The following LRP1B variants were observed in gnomAD, a reference collection of about 807,000 sequenced individuals.
LRP1B encodes the protein low-density lipoprotein receptor-related protein 1B.
LRP1B carries 217 observed loss-of-function variants against 556.6 expected under a neutral mutation model. The ratio of observed to expected loss-of-function variants is 0.39; its 90% CI spans 0.35 to 0.44. The LOEUF (loss-of-function observed/expected upper bound fraction) is 0.44. LRP1B is among the 20% of genes least tolerant of loss of function. The probability of loss-of-function intolerance (pLI) is 1.00; values close to 1 mark genes in which losing one functional copy is unlikely to be tolerated. For synonymous variants in LRP1B, 2,047 were observed against 1,865.8 expected (o/e 1.10, Z -2.50); for missense variants, 5,053 against 5,620.8 (o/e 0.90, Z 3.23).
At chr2:141,643,549 G>A (rs1248702714) in intron 2 of LRP1B, among the ~76,000 whole-genome samples, 2 of 152,114 alleles carry the variant, frequency 1.3e-5, no homozygotes, top group African/African-American at 2.4e-5. Context: ...TTTCATGTAG[G>A]ACTCCAGCTA....
intron 6 of LRP1B, among the ~76,000 whole-genome samples, chr2:141,206,002 T>A (rs1174581853): frequency 6.6e-6 from 1 of 152,152 alleles, no homozygotes; most frequent in Non-Finnish European, 1.5e-5. Context: ...AGACTGGGCC[T>A]AATGAGGCAC....
At chr2:141,343,021 G>A (rs865896361) in intron 3 of LRP1B, among the ~76,000 whole-genome samples, 1 of 152,118 alleles carries the variant, frequency 6.6e-6, no homozygotes, top group Middle Eastern at 3.2e-3. Flanking sequence ...CTAACAGAGG[G>A]TCTCTCTGCA....
chr2:140,796,758 T>C (rs980255959), intron 32 of LRP1B, among the ~76,000 whole-genome samples: 3 of 152,066 alleles, frequency 2.0e-5, no homozygotes, highest in African/African-American at 7.2e-5. Context: ...ACCTAAGATA[T>C]TTAGCATAAT....
chr2:140,605,337 T>C (rs1167624186), intron 41 of LRP1B, among the ~76,000 whole-genome samples: 1 of 152,104 alleles, frequency 6.6e-6, no homozygotes, highest in Non-Finnish European at 1.5e-5. Flanking sequence ...TCCACATCTA[T>C]ATTAACTGTG....
intron 4 of LRP1B, among the ~76,000 whole-genome samples, chr2:141,249,519 C>G (rs1177779330): frequency 6.6e-6 from 1 of 152,066 alleles, no homozygotes; most frequent in Non-Finnish European, 1.5e-5. Context: ...ATTGCTTGAA[C>G]CTAGGAGGTG....
chr2:141,237,634 G>A (rs978798656), intron 5 of LRP1B, among the ~76,000 whole-genome samples: 6 of 152,134 alleles, frequency 3.9e-5, no homozygotes, highest in Middle Eastern at 3.4e-3. Context: ...GTGAAATACC[G>A]GTACCTTCAT....
chr2:141,075,169 G>A (rs905866918), intron 7 of LRP1B, among the ~76,000 whole-genome samples: 3 of 152,084 alleles, frequency 2.0e-5, no homozygotes, highest in Admixed American at 1.3e-4. Context: ...AAAGTGTTGG[G>A]TGACGGATAG....
chr2:140,513,930 C>G (rs972049778), intron 51 of LRP1B, among the ~76,000 whole-genome samples: 1 of 151,956 alleles, frequency 6.6e-6, no homozygotes, highest in Non-Finnish European at 1.5e-5. Context: ...CAATAGACAT[C>G]TATAAAAATA....
chr2:141,998,816 G>A (rs1250177139), intron 1 of LRP1B, among the ~76,000 whole-genome samples: 2 of 152,158 alleles, frequency 1.3e-5, no homozygotes, highest in African/African-American at 4.8e-5. Context: ...AGAAATGTCT[G>A]GGTTAAGATA....
chr2:141,657,664 G>T (rs750559329), intron 2 of LRP1B, among the ~76,000 whole-genome samples: 6 of 152,074 alleles, frequency 3.9e-5, no homozygotes, highest in Non-Finnish European at 7.4e-5. Context: ...GTCCAACTTG[G>T]ATATCCTTGC....
chr2:140,295,539 T>C (rs1292581332), intron 84 of LRP1B, among the ~76,000 whole-genome samples: 4 of 152,170 alleles, frequency 2.6e-5, no homozygotes, highest in Non-Finnish European at 5.9e-5. Flanking sequence ...GGCTACTTTG[T>C]GTGAAAATTC....
At position 140,299,297 on chromosome 2, in the gene LRP1B, G is replaced by T. The variant is rs374548145; in HGVS notation, c.12806-1328C>A. Among the ~76,000 whole-genome samples, 10 of 152,090 alleles carry T rather than the reference G, an allele frequency of 6.6e-5. No homozygotes were observed. In the South Asian group the frequency reaches 2.1e-3, roughly 32 times the overall value. ...TTTTAAGAAAATGAGTGAATTGAGG[G>T]TCCATAACTTATTAACTTTACTTTG... On this transcript the variant is annotated intron_variant, in intron 83 of 90. Coordinates refer to ENST00000389484, the MANE Select transcript of LRP1B (RefSeq NM_018557.3).
chr2:141,033,157 T>G (rs1698428746), intron 11 of LRP1B, among the ~76,000 whole-genome samples: 1 of 151,632 alleles, frequency 6.6e-6, no homozygotes, highest in African/African-American at 2.4e-5. Context: ...GCAAGAGGGT[T>G]GGTGTGCTGG....
chr2:141,064,887 CTCT>C (rs1699436396), intron 7 of LRP1B, among the ~76,000 whole-genome samples: 1 of 151,868 alleles, frequency 6.6e-6, no homozygotes, highest in African/African-American at 2.4e-5. Flanking sequence ...AAAAATCACT[CTCT>C]TCTTTTCTAT....
chr2:141,773,613 T>C (rs983346235), intron 2 of LRP1B, among the ~76,000 whole-genome samples: 3 of 152,252 alleles, frequency 2.0e-5, no homozygotes, highest in South Asian at 2.1e-4. Context: ...AGAAGGTTTC[T>C]TGGCATTGCC....
chr2:140,654,144 T>G (rs928352175), intron 41 of LRP1B, among the ~76,000 whole-genome samples: 1 of 152,006 alleles, frequency 6.6e-6, no homozygotes, highest in Non-Finnish European at 1.5e-5. Context: ...ATAGAACTAC[T>G]TGATTTTAAA....
At chr2:141,180,720 A>T (rs912638776) in intron 7 of LRP1B, among the ~76,000 whole-genome samples, 1 of 152,006 alleles carries the variant, frequency 6.6e-6, no homozygotes, top group African/African-American at 2.4e-5. Context: ...CCCAAAAAAC[A>T]AAACAAAAAC....
chr2:140,426,459 C>T (rs938332783), intron 66 of LRP1B, among the ~76,000 whole-genome samples: 2 of 152,140 alleles, frequency 1.3e-5, no homozygotes, highest in Non-Finnish European at 2.9e-5. Flanking sequence ...ATCCAGATGG[C>T]CGGTTCCTGC....
intron 2 of LRP1B, among the ~76,000 whole-genome samples, chr2:141,720,555 G>C (rs776739075): frequency 6.6e-6 from 1 of 152,066 alleles, no homozygotes; most frequent in Non-Finnish European, 1.5e-5. Flanking sequence ...TCAGTATGAA[G>C]AGATGACTAA....
Sources: gnomAD v4.1 joint callset for allele counts (sites outside exome capture counted in the v4.1 genomes callset) on GRCh38, gnomAD v4.1.1 for gene constraint, MANE v1.5 for transcripts, NCBI Gene and HGNC (gene_info 2026-07-23, HGNC 2026-07-21) for gene names.